Variants in ANKRD30A observed in about 807,000 individuals in gnomAD.
ANKRD30A encodes the protein ankyrin repeat domain-containing protein 30A.
Under a neutral mutation model 166.3 loss-of-function variants are expected in ANKRD30A, and 170 were observed. The observed-to-expected ratio is 1.02, with a 90% confidence interval of 0.90 to 1.16. The LOEUF is 1.16. Ranked by LOEUF, ANKRD30A falls within the 50% of genes most tolerant of loss-of-function variation. The probability of loss-of-function intolerance (pLI) is 0.00; values close to 1 mark genes in which losing one functional copy is unlikely to be tolerated. For missense variants in ANKRD30A, 1,630 were observed against 1,518.0 expected, an observed-to-expected ratio of 1.07 and a Z score of -1.23; for synonymous variants, 564 against 508.9, an observed-to-expected ratio of 1.11 and a Z score of -1.46.
intron 29 of ANKRD30A, among the ~76,000 whole-genome samples, chr10:37,198,705 A>G (rs923853535): frequency 6.6e-6 from 1 of 152,110 alleles, no homozygotes; most frequent in Non-Finnish European, 1.5e-5. Context: ...GACACTCTGC[A>G]TGAAATATGA....
intron 16 of ANKRD30A, 40 bp downstream of exon 16, chr10:37,162,717 C>T (rs760411727): frequency 3.7e-6 from 6 of 1,612,974 alleles, no homozygotes; most frequent in Admixed American, 3.3e-5. Flanking sequence ...GACTTATTAT[C>T]TATGTATTTT....
At chr10:37,195,275 C>A (rs949129571) in intron 27 of ANKRD30A, among the ~76,000 whole-genome samples, 1 of 152,050 alleles carries the variant, frequency 6.6e-6, no homozygotes, top group Admixed American at 6.6e-5. Flanking sequence ...AGATATAAAT[C>A]AAACAAAATC....
intron 17 of ANKRD30A, among the ~76,000 whole-genome samples, chr10:37,164,796 GGGCATA>G (rs1839178559): frequency 6.6e-6 from 1 of 152,064 alleles, no homozygotes; most frequent in Non-Finnish European, 1.5e-5. Context: ...AGGAAACCTA[GGGCATA>G]CTGTGTTTCA....
At chr10:37,248,804 C>T in the ANKRD30A span, among the ~76,000 whole-genome samples, 1 of 151,778 alleles carries the variant, frequency 6.6e-6, no homozygotes, top group African/African-American at 2.4e-5. Flanking sequence ...AAAGTTGTCA[C>T]ACAGTTTCAA....
chr10:37,195,127 G>A (rs187682805), intron 27 of ANKRD30A, among the ~76,000 whole-genome samples: 1 of 152,234 alleles, frequency 6.6e-6, no homozygotes, highest in African/African-American at 2.4e-5. Context: ...CTTCAGAGAT[G>A]CTCAGATCAG....
the ANKRD30A span, among the ~76,000 whole-genome samples, chr10:37,259,508 C>T: frequency 6.6e-6 from 1 of 152,082 alleles, no homozygotes; most frequent in South Asian, 2.1e-4. Context: ...TGTTATATAC[C>T]CAACAGAAAT....
At chr10:37,145,124 G>C (rs1368496747) in intron 8 of ANKRD30A, 68 bp downstream of exon 8, 32 of 1,263,036 alleles carry the variant, frequency 2.5e-5, no homozygotes, top group Admixed American at 7.0e-5. Flanking sequence ...TATAAAGTCA[G>C]AGGCTTTGAC....
intron 1 of ANKRD30A, among the ~76,000 whole-genome samples, chr10:37,126,711 TA>T (rs1376079090): frequency 6.6e-6 from 1 of 151,748 alleles, no homozygotes; most frequent in Non-Finnish European, 1.5e-5. Context: ...TGTAATGGAG[TA>T]AAAAAGTCTT....
chr10:37,218,057 G>A (rs907797828), intron 33 of ANKRD30A, among the ~76,000 whole-genome samples, 179 bp downstream of exon 33: 4 of 150,862 alleles, frequency 2.7e-5, no homozygotes, highest in African/African-American at 9.7e-5. Flanking sequence ...CATCCAAGTA[G>A]TATCTTATTT....
chr10:37,199,443 C>T (rs1841440294), intron 29 of ANKRD30A, among the ~76,000 whole-genome samples: 2 of 151,980 alleles, frequency 1.3e-5, no homozygotes, highest in Non-Finnish European at 2.9e-5. Context: ...TACCTTGTTT[C>T]AGAGTAGAAG....
intron 1 of ANKRD30A, among the ~76,000 whole-genome samples, chr10:37,129,086 G>T (rs1299896375): frequency 6.6e-6 from 1 of 151,934 alleles, no homozygotes; most frequent in Admixed American, 6.6e-5. Flanking sequence ...ATAATTTGTT[G>T]TCTTTATTTC....
chr10:37,225,191 G>A (rs1843092799), intron 34 of ANKRD30A, among the ~76,000 whole-genome samples: 1 of 151,144 alleles, frequency 6.6e-6, no homozygotes, highest in Non-Finnish European at 1.5e-5. Flanking sequence ...TCCTTTATCT[G>A]TCATATATGC....
chr10:37,239,564 T>C, the ANKRD30A span, among the ~76,000 whole-genome samples: 1 of 152,112 alleles, frequency 6.6e-6, no homozygotes, highest in Non-Finnish European at 1.5e-5. Flanking sequence ...AGGAAAAACC[T>C]ATTGAAGTGA....
chr10:37,244,397 C>A, the ANKRD30A span, among the ~76,000 whole-genome samples: 1 of 152,154 alleles, frequency 6.6e-6, no homozygotes, highest in Non-Finnish European at 1.5e-5. Context: ...AAAGAAGAGT[C>A]CCTGAAGAAA....
chr10:37,133,504 C>T (rs1206241693), intron 4 of ANKRD30A, among the ~76,000 whole-genome samples: 1 of 152,190 alleles, frequency 6.6e-6, no homozygotes. Flanking sequence ...ATTAACTAAA[C>T]TTAGCATGAC....
intron 8 of ANKRD30A, among the ~76,000 whole-genome samples, chr10:37,146,451 G>A (rs530055867): frequency 5.0e-4 from 76 of 152,020 alleles, no homozygotes; most frequent in South Asian, 1.0e-3. Context: ...ATGTATTTGC[G>A]GCAGCGCTCC....
intron 33 of ANKRD30A, 38 bp downstream of exon 33, chr10:37,217,916 T>C (rs1270967696): frequency 7.2e-7 from 1 of 1,395,090 alleles, no homozygotes; most frequent in Non-Finnish European, 9.6e-7. Flanking sequence ...TATTTCTAAC[T>C]TTATTTCATC....
chr10:37,150,540 C>T (rs1336372371), intron 11 of ANKRD30A, among the ~76,000 whole-genome samples: 2 of 152,046 alleles, frequency 1.3e-5, no homozygotes, highest in African/African-American at 4.8e-5. Flanking sequence ...CATTTTACAA[C>T]ATGTGTGCGT....
intron 29 of ANKRD30A, 115 bp downstream of exon 29, chr10:37,197,595 G>A: frequency 4.0e-6 from 6 of 1,492,864 alleles, no homozygotes; most frequent in Non-Finnish European, 5.5e-6. Context: ...TTTTGATCTA[G>A]GTAATGCCAA....
Sources: allele counts gnomAD v4.1 joint callset (sites outside exome capture counted in the v4.1 genomes callset), GRCh38; gene constraint gnomAD v4.1.1; transcripts MANE v1.5; gene names NCBI Gene and HGNC (gene_info 2026-07-23, HGNC 2026-07-21).